The following GRAMD1B variants were observed in gnomAD, a reference collection of about 807,000 sequenced individuals.
GRAMD1B encodes the protein protein Aster-B.
A neutral mutation model predicts 99.7 loss-of-function variants in GRAMD1B; 37 were observed. That is an observed-to-expected ratio of 0.37 (90% CI 0.29 to 0.49). The LOEUF (loss-of-function observed/expected upper bound fraction) is 0.49, where lower values mean the gene tolerates loss of function less well. Among genes scored for constraint, GRAMD1B ranks in the 20% least tolerant of loss-of-function variants. The pLI is 0.98. For synonymous variants in GRAMD1B, 427 were observed against 387.6 expected (o/e 1.10, Z -1.19); for missense variants, 888 against 1,009.2 (o/e 0.88, Z 1.63).
chr11:123,553,256 T>C (rs1331173481), intron 2 of GRAMD1B, among the ~76,000 whole-genome samples: 1 of 152,166 alleles, frequency 6.6e-6, no homozygotes, highest in African/African-American at 2.4e-5. Context: ...AAAAAGATAA[T>C]ACCCAGGAGC....
In GRAMD1B at chr11:123,394,423, C is replaced by T. The variant is rs78459177; in HGVS notation, c.-176+35624C>T. Among the ~76,000 whole-genome samples the T allele has an allele frequency of 2.7e-3, 413 of 152,298 alleles. 3 individuals are homozygous for T. The highest frequency in any genetic ancestry group is 0.016 in the Admixed American group (252 of 15,300). On this transcript the variant is annotated intron_variant, in intron 1 of 20. Coordinates refer to the GRAMD1B transcript ENST00000638157. ...CCAAATGGAACGGCCTCTCCACTTC[C>T]GTATTTGTGGACTCCAATCTTCTCT...
At chr11:123,584,390 G>A in intron 4 of GRAMD1B, 58 bp downstream of exon 4, 2 of 1,014,842 alleles carry the variant, frequency 2.0e-6, no homozygotes, top group South Asian at 1.4e-5. Context: ...GGGGAATGGA[G>A]GTTGGGGGAA....
chr11:123,416,823 G>A (rs1435956412), intron 1 of GRAMD1B, among the ~76,000 whole-genome samples: 5 of 152,190 alleles, frequency 3.3e-5, no homozygotes, highest in African/African-American at 1.2e-4. Context: ...TAGTGACTGA[G>A]CTAAGTGCTT....
intron 6 of GRAMD1B, among the ~76,000 whole-genome samples, chr11:123,595,419 G>A (rs917963232): frequency 7.9e-5 from 12 of 151,822 alleles, no homozygotes; most frequent in Non-Finnish European, 1.8e-4. Context: ...TCAGCCTCCC[G>A]AGTAGCTGGG....
chr11:123,531,532 C>G (rs536493244), intron 2 of GRAMD1B, among the ~76,000 whole-genome samples: 2 of 152,228 alleles, frequency 1.3e-5, no homozygotes, highest in East Asian at 1.9e-4. Context: ...GCTGCTGGCT[C>G]GAAGCCCTTC....
At chr11:123,395,362 A>G (rs1468316545) in intron 1 of GRAMD1B, among the ~76,000 whole-genome samples, 1 of 152,016 alleles carries the variant, frequency 6.6e-6, no homozygotes, top group African/African-American at 2.4e-5. Context: ...GGGAAACATG[A>G]ATTCTCCTTT....
intron 12 of GRAMD1B, 101 bp downstream of exon 12, chr11:123,608,903 C>T (rs944944153): frequency 9.4e-6 from 8 of 851,604 alleles, no homozygotes; most frequent in Non-Finnish European, 1.5e-5. Context: ...TCTTTCCACA[C>T]ACCCTCCTTC....
At chr11:123,618,903 C>A in intron 18 of GRAMD1B, 103 bp downstream of exon 18, 1 of 746,714 alleles carries the variant, frequency 1.3e-6, no homozygotes. Context: ...TTCCCCATCC[C>A]TCTGGGATGA....
intron 1 of GRAMD1B, among the ~76,000 whole-genome samples, chr11:123,371,474 A>G (rs1305375643): frequency 6.6e-6 from 1 of 152,216 alleles, no homozygotes; most frequent in Non-Finnish European, 1.5e-5. Context: ...ACAATGCCTT[A>G]CAATAAATTT....
rs1591513197 is a variant in GRAMD1B, at chr11:123,430,947, A to G, written c.155A>G (p.Gln52Arg). ...AAGATGCGCCGCATGAAGAACGTAC[A>G]GGAGCAGAGCCTGGAGGCCGGGCTG... is the stretch of plus-strand genomic sequence containing the variant. ...RFKMRRMKNV[Q>R]EQSLEAGLAR... Residue 52 changes from glutamine (Q) to arginine (R), a missense_variant, in exon 1 of 20, where the codon CAG becomes CGG. Physicochemically the swap from Gln to Arg is conservative, Grantham distance 43. Coordinates refer to ENST00000635736, the MANE Select transcript of GRAMD1B (RefSeq NM_001387025.1). 2 of 702,804 alleles carry G rather than the reference A, an allele frequency of 2.8e-6. No individual in the cohort carries two copies. Among genetic ancestry groups the G allele is most frequent in the Non-Finnish European group, 5.2e-6 (2 of 384,874 alleles). The allele number at this position is 702,804 out of a possible 1,614,324, so 43.5% of individuals were successfully genotyped here. A position where few individuals can be genotyped will look rare whatever the true frequency, so the allele number is the denominator to read the frequency against.
intron 2 of GRAMD1B, among the ~76,000 whole-genome samples, chr11:123,553,192 G>A (rs1565364143): frequency 6.6e-6 from 1 of 152,234 alleles, no homozygotes; most frequent in Non-Finnish European, 1.5e-5. Context: ...TGGTGAATTT[G>A]TAGTTGAAGC....
rs964835859 is a variant in GRAMD1B, at chr11:123,492,760, A to G, written c.452+11867A>G. ...AGTGAGGAGAGAAAAGGAAGGAGAA[A>G]GGCAGAAAGAGGGGCCAAATGGATT... is the stretch of plus-strand genomic sequence containing the variant. On this transcript the variant is annotated intron_variant, in intron 2 of 19. Transcript: ENST00000635736. This position sits in a 1 kb window ranked among gnomAD's most constrained non-coding sequence, Gnocchi z 4.2. 6.6e-6 allele frequency among the ~76,000 whole-genome samples: 1 copy of G among 152,076 alleles called. No homozygotes were observed. The highest frequency in any genetic ancestry group is 2.4e-5 in the African/African-American group (1 of 41,386).
intron 1 of GRAMD1B, among the ~76,000 whole-genome samples, chr11:123,391,703 AC>A (rs1947287489): frequency 6.6e-6 from 1 of 152,068 alleles, no homozygotes; most frequent in Non-Finnish European, 1.5e-5. Flanking sequence ...TGATCCGCCC[AC>A]CTTGGCCCCC....
chr11:123,601,304 A>G (rs1039582051), intron 8 of GRAMD1B, among the ~76,000 whole-genome samples: 2 of 152,086 alleles, frequency 1.3e-5, no homozygotes, highest in African/African-American at 2.4e-5. Flanking sequence ...GAAGAGACAC[A>G]GATGAAGCCA....
At chr11:123,575,301 G>A (rs1019318317) in intron 2 of GRAMD1B, among the ~76,000 whole-genome samples, 8 of 152,250 alleles carry the variant, frequency 5.3e-5, no homozygotes, top group African/African-American at 9.6e-5. Context: ...ATTACACAAC[G>A]GCTGGGGGGC....
intron 1 of GRAMD1B, among the ~76,000 whole-genome samples, chr11:123,388,779 G>A (rs1947167503): frequency 6.6e-6 from 1 of 152,192 alleles, no homozygotes; most frequent in East Asian, 1.9e-4. Context: ...GAAGTCATCA[G>A]CCTGCAACCT....
intron 2 of GRAMD1B, among the ~76,000 whole-genome samples, chr11:123,529,450 A>G (rs1356744505): frequency 1.3e-5 from 2 of 152,190 alleles, no homozygotes; most frequent in East Asian, 3.9e-4. Context: ...TTTGAGATAG[A>G]AATCTCCCCC....
intron 19 of GRAMD1B, among the ~76,000 whole-genome samples, chr11:123,621,856 T>TCTTTCTTC (rs145747840): frequency 0.22 from 14,550 of 65,846 alleles, 894 homozygotes; most frequent in Admixed American, 0.35. Flanking sequence ...TGCTAGATTG[T>TCTTTCTTC]CTTTCTTTCT....
chr11:123,439,728 C>T (rs983589206), intron 1 of GRAMD1B, among the ~76,000 whole-genome samples: 19 of 152,132 alleles, frequency 1.2e-4, no homozygotes, highest in African/African-American at 4.1e-4. Context: ...CCTGAAATCT[C>T]GACCAGTTTC....
Sources: gnomAD v4.1 joint callset for allele counts (sites outside exome capture counted in the v4.1 genomes callset) on GRCh38, gnomAD v4.1.1 for gene constraint, Gnocchi (gnomAD v3.1) non-coding constraint, MANE v1.5 for transcripts, NCBI Gene and HGNC (gene_info 2026-07-23, HGNC 2026-07-21) for gene names.